Variants in PATL1 observed in about 807,000 individuals in gnomAD.
The protein encoded by PATL1 is protein PAT1 homolog 1.
PATL1 carries 32 observed loss-of-function variants against 100.6 expected under a neutral mutation model. That is an observed-to-expected ratio of 0.32 (90% CI 0.24 to 0.43). The LOEUF is 0.43. PATL1 is among the 20% of genes least tolerant of loss of function. The pLI is 1.00. For synonymous variants in PATL1, 332 were observed against 330.0 expected (o/e 1.01, Z -0.07); for missense variants, 747 against 949.9 (o/e 0.79, Z 2.81).
At chr11:59,638,605 C>A (rs1861226562) in intron 18 of PATL1, among the ~76,000 whole-genome samples, 194 bp from the exon 19 acceptor site, 1 of 152,138 alleles carries the variant, frequency 6.6e-6, no homozygotes, top group East Asian at 1.9e-4. Context: ...CTAACAGATA[C>A]ACAAATAGTT....
chr11:59,649,085 A>C (rs1861403746), intron 14 of PATL1, among the ~76,000 whole-genome samples: 1 of 152,348 alleles, frequency 6.6e-6, no homozygotes, highest in African/African-American at 2.4e-5. Context: ...ATGTTTGTAC[A>C]TCTGATCTTA....
rs372799875 is a variant in PATL1, at chr11:59,638,425, GGA to G, written c.2292-16_2292-15del. 633 of 1,607,152 alleles carry G rather than the reference GGA, an allele frequency of 3.9e-4. 2 individuals carry two copies. In the African/African-American group the frequency reaches 7.3e-3, roughly 19 times the overall value. On this transcript the variant is annotated splice_polypyrimidine_tract_variant and intron_variant, in intron 18 of 18. Transcript: ENST00000300146. Reference sequence around the variant, plus strand: ...CCCTGAACTAGCCTAGGAGTACAAAGGAGAGAAAGGAAAATTGTATAAATGAG... The same window carrying G: ...CCCTGAACTAGCCTAGGAGTACAAAGGAGAAAGGAAAATTGTATAAATGAG...
At chr11:59,654,709 G>A (rs1861500287) in intron 8 of PATL1, among the ~76,000 whole-genome samples, 1 of 152,114 alleles carries the variant, frequency 6.6e-6, no homozygotes, top group Non-Finnish European at 1.5e-5. Context: ...ATGTGGGAAT[G>A]TCATTAAAGA....
intron 11 of PATL1, 36 bp from the exon 12 acceptor site, chr11:59,651,677 T>TA: frequency 7.1e-7 from 1 of 1,414,482 alleles, no homozygotes; most frequent in Non-Finnish European, 9.8e-7. Context: ...TCCAACAAAA[T>TA]AAAAAGTCAG....
intron 15 of PATL1, among the ~76,000 whole-genome samples, chr11:59,646,600 T>G (rs985440630): frequency 6.6e-6 from 1 of 152,228 alleles, no homozygotes; most frequent in African/African-American, 2.4e-5. Flanking sequence ...GAAAGAATAA[T>G]TTCCCTTTCA....
rs781013133 is a variant in PATL1 at position 59,639,194 on chromosome 11, C to T, written c.2145G>A (p.Thr715=). ...ATESTQNNQW[T]EVMFMATREL... is the part of the protein sequence containing the mutation. ...CTCGTGTTGCCATGAACATCACCTC[C>T]GTCCTGACAGGGAAGACCCATAATA... The change falls in exon 18 of 19, where the codon ACG becomes ACA. Residue 715 remains threonine, a synonymous_variant. Coordinates refer to ENST00000300146, the MANE Select transcript of PATL1 (RefSeq NM_152716.3). The T allele has an allele frequency of 6.8e-6, 11 of 1,613,538 alleles. No homozygotes were observed. Among genetic ancestry groups the T allele is most frequent in the Admixed American group, 5.0e-5 (3 of 59,922 alleles).
intron 1 of PATL1, among the ~76,000 whole-genome samples, chr11:59,668,109 CTACTT>C (rs1255976157): frequency 6.6e-6 from 1 of 152,244 alleles, no homozygotes; most frequent in African/African-American, 2.4e-5. Flanking sequence ...TCACAAATAT[CTACTT>C]TACCAAATCG....
chr11:59,652,095 C>T (rs1460647456), intron 11 of PATL1, among the ~76,000 whole-genome samples: 1 of 86,146 alleles, frequency 1.2e-5, no homozygotes, highest in African/African-American at 4.2e-5. Flanking sequence ...AAAAAAAAGA[C>T]AAAAAATCAA....
chr11:59,656,450 G>C (rs1453701671), intron 6 of PATL1, 49 bp downstream of exon 6: 10 of 1,460,320 alleles, frequency 6.8e-6, no homozygotes, highest in African/African-American at 1.4e-5. Context: ...TACAAATAGT[G>C]ATCAGAAAAT....
At chr11:59,650,580 A>G (rs1474233635) in intron 13 of PATL1, among the ~76,000 whole-genome samples, 174 bp downstream of exon 13, 2 of 152,266 alleles carry the variant, frequency 1.3e-5, no homozygotes, top group Non-Finnish European at 2.9e-5. Flanking sequence ...TAGGTGAAAC[A>G]TACCATAATC....
intron 16 of PATL1, 96 bp from the exon 17 acceptor site, chr11:59,639,479 T>G: frequency 2.3e-6 from 2 of 884,860 alleles, no homozygotes; most frequent in African/African-American, 1.7e-5. Flanking sequence ...GGAACAGCTC[T>G]AAATCAAAAT....
At chr11:59,640,157 A>C (rs769447603) in intron 16 of PATL1, among the ~76,000 whole-genome samples, 14 of 150,228 alleles carry the variant, frequency 9.3e-5, no homozygotes, top group Non-Finnish European at 1.5e-4. Context: ...GCCTGATCAA[A>C]ATGGTGAAAC....
At chr11:59,645,257 G>A (rs1386964281) in intron 15 of PATL1, among the ~76,000 whole-genome samples, 2 of 94,914 alleles carry the variant, frequency 2.1e-5, no homozygotes, top group Admixed American at 2.6e-4. Flanking sequence ...CCACAAAACC[G>A]CCATTGTCAT....
intron 8 of PATL1, 44 bp from the exon 9 acceptor site, chr11:59,654,116 G>T: frequency 1.3e-6 from 2 of 1,502,304 alleles, no homozygotes; most frequent in South Asian, 2.3e-5. Flanking sequence ...TCATCCTGAT[G>T]ACTTGAAATT....
chr11:59,668,918 C>A lies in PATL1; in HGVS notation c.-23G>T. ...CATTCTTGGGGAGGGGGGCAGGGAG[C>A]GGGGAGGGGAGAGGGGGAGGGAGGG... On this transcript the variant is annotated 5_prime_UTR_variant, in exon 1 of 19. Transcript: ENST00000300146. 7.4e-6 allele frequency: 2 copies of A among 271,628 alleles called. No homozygotes were observed. Among genetic ancestry groups the A allele is most frequent in the Non-Finnish European group, 1.4e-5 (2 of 142,568 alleles). 16.8% of individuals were successfully genotyped at this position (271,628 alleles called of 1,614,324 possible). A position where few individuals can be genotyped will look rare whatever the true frequency, so the allele number is the denominator to read the frequency against.
Sources: gnomAD v4.1 joint callset for allele counts (sites outside exome capture counted in the v4.1 genomes callset) on GRCh38, gnomAD v4.1.1 for gene constraint, MANE v1.5 for transcripts, NCBI Gene and HGNC (gene_info 2026-07-23, HGNC 2026-07-21) for gene names.